The following CDH18 variants were observed in gnomAD, a reference collection of about 807,000 sequenced individuals.
CDH18 encodes cadherin 18, also known as cadherin-18.
Under a neutral mutation model 67.9 loss-of-function variants are expected in CDH18, and 31 were observed. The ratio of observed to expected loss-of-function variants is 0.46; its 90% confidence interval spans 0.34 to 0.62. CDH18 has a LOEUF of 0.62. Ranked by LOEUF, CDH18 falls within the 20% of genes least tolerant of loss-of-function variation. The pLI, the probability that CDH18 is intolerant of heterozygous loss-of-function variation, is 0.01. For synonymous variants in CDH18, 362 were observed against 347.2 expected (o/e 1.04, Z -0.48); for missense variants, 890 against 975.5 (o/e 0.91, Z 1.17).
At chr5:20,354,841 C>T (rs569532450) in intron 1 of CDH18, among the ~76,000 whole-genome samples, 4 of 152,236 alleles carry the variant, frequency 2.6e-5, no homozygotes, top group Non-Finnish European at 4.4e-5. Flanking sequence ...ATAGGATTAT[C>T]AGATCTCCTA....
At chr5:20,319,068 G>T (rs1737738747) in intron 1 of CDH18, among the ~76,000 whole-genome samples, 1 of 152,100 alleles carries the variant, frequency 6.6e-6, no homozygotes, top group South Asian at 2.1e-4. Context: ...CATGAAAACT[G>T]GGTCTTTTTT....
At chr5:20,230,952 T>A (rs533382023) in intron 2 of CDH18, among the ~76,000 whole-genome samples, 3 of 152,246 alleles carry the variant, frequency 2.0e-5, no homozygotes, top group African/African-American at 4.8e-5. Context: ...TGTTAAAACA[T>A]CATCACCCAT....
chr5:20,540,924 T>A, intron 1 of CDH18, among the ~76,000 whole-genome samples: 1 of 152,174 alleles, frequency 6.6e-6, no homozygotes, highest in East Asian at 1.9e-4. Flanking sequence ...TATTGCCCAC[T>A]AGAGCCTCCT....
chr5:19,473,494 T>C lies in CDH18; in HGVS notation c.2105A>G (p.Gln702Arg), dbSNP rs1339079196. ...TATGCTTTCCAGGGTGGATGATGTC[T>C]GGTGTCTGGGAGTGAGCTTCACTTC... ...RPEVKLTPRH[Q>R]TSSTLESIDV... The change falls in exon 13 of 13, where the codon CAG (glutamine) becomes CGG (arginine). Residue 702 changes from glutamine to arginine, a missense_variant. Coordinates refer to ENST00000382275, the MANE Select transcript of CDH18 (RefSeq NM_004934.5). The C allele has an allele frequency of 1.9e-6, 3 of 1,613,868 alleles. No homozygotes were observed. The highest frequency in any genetic ancestry group is 1.7e-5 in the Admixed American group (1 of 59,942).
At chr5:20,293,316 CA>C (rs1198310871) in intron 1 of CDH18, among the ~76,000 whole-genome samples, 1 of 151,534 alleles carries the variant, frequency 6.6e-6, no homozygotes, top group Admixed American at 6.6e-5. Flanking sequence ...GACTCCATCT[CA>C]AAAAAACAAA....
At chr5:20,131,252 T>C (rs1230447523) in intron 2 of CDH18, among the ~76,000 whole-genome samples, 1 of 152,126 alleles carries the variant, frequency 6.6e-6, no homozygotes, top group Non-Finnish European at 1.5e-5. Flanking sequence ...TTGCTCTGAA[T>C]ATTTTTTAAA....
chr5:20,077,221 AG>A (rs1202086969), intron 2 of CDH18, among the ~76,000 whole-genome samples: 1 of 151,636 alleles, frequency 6.6e-6, no homozygotes, highest in Non-Finnish European at 1.5e-5. Context: ...CAGAGGTAAA[AG>A]ACTCCTTTAC....
intron 10 of CDH18, among the ~76,000 whole-genome samples, chr5:19,511,889 G>C (rs1358464452): frequency 3.9e-5 from 6 of 152,158 alleles, no homozygotes; most frequent in Admixed American, 3.3e-4. Flanking sequence ...GTATCGAGGA[G>C]CCAAATGTTA....
chr5:20,386,099 T>A (rs957930226), intron 1 of CDH18, among the ~76,000 whole-genome samples: 9 of 152,208 alleles, frequency 5.9e-5, no homozygotes, highest in Non-Finnish European at 8.8e-5. Context: ...TTGCTTTTCA[T>A]GCATTCATCC....
At chr5:19,671,460 T>A (rs182119288) in intron 5 of CDH18, among the ~76,000 whole-genome samples, 42 of 152,264 alleles carry the variant, frequency 2.8e-4, no homozygotes, top group African/African-American at 1.0e-3. Context: ...AGAATTCTAA[T>A]TATCTACATT....
At chr5:20,093,294 T>A (rs1745604799) in intron 2 of CDH18, among the ~76,000 whole-genome samples, 1 of 151,524 alleles carries the variant, frequency 6.6e-6, no homozygotes, top group African/African-American at 2.4e-5. Context: ...CCACCACCCA[T>A]CCTCTGAAAC....
At chr5:19,795,626 CTA>C (rs1475375506) in intron 3 of CDH18, among the ~76,000 whole-genome samples, 1 of 151,998 alleles carries the variant, frequency 6.6e-6, no homozygotes, top group Non-Finnish European at 1.5e-5. Context: ...TTTAACAAGA[CTA>C]ATTTAAACAA....
intron 1 of CDH18, among the ~76,000 whole-genome samples, chr5:20,464,866 G>A (rs1751532641): frequency 1.3e-5 from 2 of 152,090 alleles, no homozygotes; most frequent in South Asian, 2.1e-4. Context: ...AACTTGCCAA[G>A]TTGATGAAGA....
In CDH18 at chr5:19,623,596, G is replaced by A. The variant is rs1427357377; in HGVS notation, c.644-10995C>T. On this transcript the variant is annotated intron_variant, in intron 5 of 12. Coordinates refer to ENST00000382275, the MANE Select transcript of CDH18 (RefSeq NM_004934.5). ...TTTTATCTTATTCTGCTTTTTTTTGGTTTTTGCTTTGATGGTTTAAATGAG... is the reference window on the plus strand; with the variant it reads ...TTTTATCTTATTCTGCTTTTTTTTGATTTTTGCTTTGATGGTTTAAATGAG... 2.0e-5 allele frequency among the ~76,000 whole-genome samples: 3 copies of A among 151,504 alleles called. No homozygotes were observed. In the East Asian group the frequency reaches 5.9e-4, roughly 30 times the overall value.
intron 1 of CDH18, among the ~76,000 whole-genome samples, chr5:20,461,906 T>C (rs1317956596): frequency 6.6e-6 from 1 of 152,122 alleles, no homozygotes; most frequent in Non-Finnish European, 1.5e-5. Context: ...AGGGCTTTCA[T>C]GCACTATTGG....
At position 20,345,259 on chromosome 5, in the gene CDH18, G is replaced by A. The variant is rs1740606769; in HGVS notation, c.-579-89754C>T. On this transcript the variant is annotated intron_variant, in intron 1 of 14. Transcript: ENST00000507958. Reference sequence around the variant, plus strand: ...AAATTGGGGTTGTAATTTGTATATTGGGGTATATTGGGGTACTATTTTTTA... The same window carrying A: ...AAATTGGGGTTGTAATTTGTATATTAGGGTATATTGGGGTACTATTTTTTA... Among the ~76,000 whole-genome samples, 2 of 104,796 alleles carry A rather than the reference G, an allele frequency of 1.9e-5. 1 individual carries two copies. The highest frequency in any genetic ancestry group is 7.1e-4 in the South Asian group (2 of 2,818). The allele number at this position is 104,796 out of a possible 152,430, so 68.8% of individuals were successfully genotyped here.
At chr5:20,505,991 A>G (rs1754634715) in intron 1 of CDH18, among the ~76,000 whole-genome samples, 1 of 152,190 alleles carries the variant, frequency 6.6e-6, no homozygotes, top group Non-Finnish European at 1.5e-5. Context: ...CCTATGATCT[A>G]GAGAAATAAT....
chr5:19,721,271 T>A, intron 5 of CDH18, 76 bp downstream of exon 5: 1 of 1,352,082 alleles, frequency 7.4e-7, no homozygotes, highest in Non-Finnish European at 1.0e-6. Flanking sequence ...GAAAAGAGCA[T>A]ATGGAAATAA....
chr5:20,053,450 T>C (rs1016685900), intron 2 of CDH18, among the ~76,000 whole-genome samples: 5 of 151,940 alleles, frequency 3.3e-5, no homozygotes, highest in African/African-American at 1.2e-4. Context: ...ACCATTCTAA[T>C]CTCTTTTCCA....
Sources: allele counts gnomAD v4.1 joint callset (sites outside exome capture counted in the v4.1 genomes callset), GRCh38; gene constraint gnomAD v4.1.1; transcripts MANE v1.5; gene names NCBI Gene and HGNC (gene_info 2026-07-23, HGNC 2026-07-21).